EHD4: variants seen among roughly 807,000 people sequenced by gnomAD.
The protein encoded by EHD4 is EH domain containing 4.
Under a neutral mutation model 51.0 loss-of-function variants are expected in EHD4, and 37 were observed. The ratio of observed to expected loss-of-function variants is 0.73; its 90% CI spans 0.56 to 0.95. The LOEUF is 0.95. EHD4 is among the 40% of genes least tolerant of loss of function. EHD4 has a pLI of 0.00. For synonymous variants in EHD4, 297 were observed against 317.3 expected (o/e 0.94, Z 0.68); for missense variants, 632 against 733.1 (o/e 0.86, Z 1.59).
intron 1 of EHD4, among the ~76,000 whole-genome samples, chr15:41,957,410 G>A (rs1364898199): frequency 6.6e-6 from 1 of 152,170 alleles, no homozygotes; most frequent in Non-Finnish European, 1.5e-5. Context: ...TGTTATTTGA[G>A]GGCCTGTTTC....
At chr15:41,901,465 T>C (rs567405278) in intron 5 of EHD4, among the ~76,000 whole-genome samples, 9 of 152,226 alleles carry the variant, frequency 5.9e-5, no homozygotes, top group Admixed American at 1.3e-4. Context: ...CCTGCCTTTT[T>C]AAAAATGCTC....
chr15:41,945,785 C>T (rs115679791), intron 2 of EHD4, among the ~76,000 whole-genome samples: 5 of 152,334 alleles, frequency 3.3e-5, no homozygotes, highest in African/African-American at 1.2e-4. Context: ...GGGAGGCGCA[C>T]GGCAAACGTA....
chr15:41,964,377 A>T (rs2067947837), intron 1 of EHD4, among the ~76,000 whole-genome samples: 2 of 152,178 alleles, frequency 1.3e-5, no homozygotes, highest in South Asian at 4.1e-4. Context: ...CCAAGGCGTG[A>T]GGATCGCTTG....
intron 3 of EHD4, among the ~76,000 whole-genome samples, chr15:41,927,053 C>G (rs1247120514): frequency 6.6e-6 from 1 of 152,240 alleles, no homozygotes; most frequent in Non-Finnish European, 1.5e-5. Context: ...ACTATCAAAT[C>G]AGGTTCCCGG....
chr15:41,942,916 A>G, intron 3 of EHD4, 151 bp downstream of exon 3: 2 of 625,392 alleles, frequency 3.2e-6, no homozygotes, highest in African/African-American at 1.8e-5. Context: ...CTTTGATGCT[A>G]TGAACTCCTG....
At chr15:41,961,617 G>T (rs2067924947) in intron 1 of EHD4, among the ~76,000 whole-genome samples, 1 of 152,130 alleles carries the variant, frequency 6.6e-6, no homozygotes, top group Non-Finnish European at 1.5e-5. Context: ...AGGCTAAAAG[G>T]CATCTAACAA....
At chr15:41,903,410 C>A (rs1300593089) in intron 5 of EHD4, among the ~76,000 whole-genome samples, 4 of 151,326 alleles carry the variant, frequency 2.6e-5, no homozygotes, top group Non-Finnish European at 4.4e-5. Flanking sequence ...GCAAAAACCT[C>A]TGCTAGCATA....
chr15:41,962,644 C>A (rs1490742204), intron 1 of EHD4, among the ~76,000 whole-genome samples: 1 of 151,984 alleles, frequency 6.6e-6, no homozygotes, highest in African/African-American at 2.4e-5. Context: ...AAAAAGAGCG[C>A]CCGGCCAGCC....
rs1199502841 is a variant in EHD4 at position 41,899,437 on chromosome 15, G to A, written c.*1208C>T. ...GGGCATTCATGATACGAACCACACA[G>A]CCTTTAAAGAAAAGGTTTTATATGA... On this transcript the variant is annotated 3_prime_UTR_variant, in exon 6 of 6. Transcript: ENST00000220325. 6.6e-6 allele frequency: 1 copy of A among 151,772 alleles called. No homozygotes were observed. The highest frequency in any genetic ancestry group is 1.9e-4 in the East Asian group (1 of 5,192). 9.4% of individuals were successfully genotyped at this position (151,772 alleles called of 1,614,324 possible). A position where few individuals can be genotyped will look rare whatever the true frequency, so the allele number is the denominator to read the frequency against.
chr15:41,944,425 C>T (rs1210913773), intron 2 of EHD4, among the ~76,000 whole-genome samples: 3 of 152,150 alleles, frequency 2.0e-5, no homozygotes, highest in Non-Finnish European at 4.4e-5. Context: ...AAGCTAAAAG[C>T]TCAATTCTTC....
At chr15:41,921,213 G>A (rs1478887693) in intron 3 of EHD4, among the ~76,000 whole-genome samples, 1 of 152,158 alleles carries the variant, frequency 6.6e-6, no homozygotes, top group African/African-American at 2.4e-5. Flanking sequence ...CGCCACACGC[G>A]TGGATACTTC....
chr15:41,941,263 C>T (rs1044215691), intron 3 of EHD4, among the ~76,000 whole-genome samples: 1 of 152,126 alleles, frequency 6.6e-6, no homozygotes. Flanking sequence ...TTTCATGGAA[C>T]CCAAGTAGCT....
intron 2 of EHD4, among the ~76,000 whole-genome samples, chr15:41,945,257 A>C (rs2067804013): frequency 6.6e-6 from 1 of 152,184 alleles, no homozygotes; most frequent in South Asian, 2.1e-4. Context: ...CCATTTTTCC[A>C]AAACAGCCAC....
chr15:41,898,239 G>A lies in EHD4; in HGVS notation c.*2406C>T, dbSNP rs1020015351. 2 of 152,168 alleles carry A rather than the reference G, an allele frequency of 1.3e-5. No homozygotes were observed. The highest frequency in any genetic ancestry group is 2.9e-5 in the Non-Finnish European group (2 of 68,028). 9.4% of individuals were successfully genotyped at this position (152,168 alleles called of 1,614,324 possible). On this transcript the variant is annotated 3_prime_UTR_variant, in exon 6 of 6. Coordinates refer to ENST00000220325, the MANE Select transcript of EHD4 (RefSeq NM_139265.4). The stretch of plus-strand genomic sequence containing the variant: ...CTCCCACCTGAGAGCGCAGAGGTAG[G>A]GAGATCACAGTGCCTGAGAGGTTTT...
intron 3 of EHD4, among the ~76,000 whole-genome samples, chr15:41,926,828 T>C (rs1203678881): frequency 6.6e-6 from 1 of 151,952 alleles, no homozygotes; most frequent in Non-Finnish European, 1.5e-5. Context: ...CTCCACACCC[T>C]TGCTCAGGCT....
At chr15:41,944,871 T>G (rs969758878) in intron 2 of EHD4, among the ~76,000 whole-genome samples, 2 of 152,198 alleles carry the variant, frequency 1.3e-5, no homozygotes, top group African/African-American at 4.8e-5. Flanking sequence ...TCCACCTGTC[T>G]GCAGACACTT....
At chr15:41,906,756 G>A (rs543846801) in intron 5 of EHD4, among the ~76,000 whole-genome samples, 4 of 152,370 alleles carry the variant, frequency 2.6e-5, no homozygotes, top group East Asian at 1.9e-4. Flanking sequence ...GCACTGCCAC[G>A]TTCCCCTTGG....
chr15:41,954,657 T>G (rs1270066180), intron 1 of EHD4, among the ~76,000 whole-genome samples: 1 of 152,170 alleles, frequency 6.6e-6, no homozygotes, highest in East Asian at 1.9e-4. Flanking sequence ...TTTTTGAGAC[T>G]GGGTCTTGCT....
intron 3 of EHD4, among the ~76,000 whole-genome samples, chr15:41,938,285 T>C (rs2067744786): frequency 6.6e-6 from 1 of 152,184 alleles, no homozygotes; most frequent in Non-Finnish European, 1.5e-5. Context: ...CCAGGCGCCT[T>C]TTTGATTCTT....
Sources: gnomAD v4.1 joint callset for allele counts (sites outside exome capture counted in the v4.1 genomes callset) on GRCh38, gnomAD v4.1.1 for gene constraint, MANE v1.5 for transcripts, NCBI Gene and HGNC (gene_info 2026-07-23, HGNC 2026-07-21) for gene names.